Variants in XNDC1N observed in about 807,000 individuals in gnomAD.
XNDC1N encodes XRCC1 N-terminal domain containing 1, N-terminal like.
At chr11:71,912,027 C>A in the XNDC1N span, among the ~76,000 whole-genome samples, 34 of 152,344 alleles carry the variant, frequency 2.2e-4, no homozygotes, top group South Asian at 8.3e-4. Flanking sequence ...CTGCTAGGAA[C>A]TGCAGTTGTA....
At chr11:71,916,656 C>T in the XNDC1N span, 1 of 184,044 alleles carries the variant, frequency 5.4e-6, no homozygotes, top group African/African-American at 2.3e-5. Flanking sequence ...CCACCACGTG[C>T]TCTACATGCT....
At chr11:71,892,839 T>A in the XNDC1N span, among the ~76,000 whole-genome samples, 2 of 152,094 alleles carry the variant, frequency 1.3e-5, no homozygotes, top group Non-Finnish European at 2.9e-5. Flanking sequence ...TAGATTCAAT[T>A]CATTTGGAAA....
the XNDC1N span, chr11:71,926,014 G>C: frequency 6.6e-6 from 1 of 152,206 alleles, no homozygotes; most frequent in African/African-American, 2.4e-5. Flanking sequence ...GCTCAGGCCT[G>C]TAATCCCAGC....
chr11:71,893,754 G>T, the XNDC1N span: 3 of 1,156,528 alleles, frequency 2.6e-6, no homozygotes, highest in Admixed American at 2.2e-5. Flanking sequence ...TCTCTCATGC[G>T]GACTGCCTGA....
At chr11:71,884,995 C>G in the XNDC1N span, among the ~76,000 whole-genome samples, 1 of 152,098 alleles carries the variant, frequency 6.6e-6, no homozygotes, top group Non-Finnish European at 1.5e-5. Context: ...TCTTGCCCCC[C>G]TGGTTTTTAG....
At chr11:71,882,268 T>TA in the XNDC1N span, among the ~76,000 whole-genome samples, 138 of 152,166 alleles carry the variant, frequency 9.1e-4, no homozygotes, top group Non-Finnish European at 1.5e-3. Context: ...AATTATCTTT[T>TA]TTTTTTAGAC....
At chr11:71,887,591 G>C in the XNDC1N span, among the ~76,000 whole-genome samples, 8 of 151,796 alleles carry the variant, frequency 5.3e-5, no homozygotes, top group East Asian at 1.6e-3. Flanking sequence ...GGCCCTGCCA[G>C]TGAGGCAAAA....
chr11:71,913,665 T>TAAAAAAAAAAAAAAAAA, the XNDC1N span, among the ~76,000 whole-genome samples: 4 of 105,344 alleles, frequency 3.8e-5, no homozygotes, highest in East Asian at 2.7e-4. Flanking sequence ...TCTCAAAAGA[T>TAAAAAAAAAAAAAAAAA]AAAAAAAAAA....
chr11:71,885,551 G>C, the XNDC1N span, among the ~76,000 whole-genome samples: 1 of 152,020 alleles, frequency 6.6e-6, no homozygotes, highest in East Asian at 1.9e-4. Flanking sequence ...ATTATATTCG[G>C]ATCAATATCA....
At chr11:71,908,142 G>T in the XNDC1N span, among the ~76,000 whole-genome samples, 2 of 149,040 alleles carry the variant, frequency 1.3e-5, no homozygotes, top group Non-Finnish European at 3.0e-5. Context: ...CGTAATATTA[G>T]TATGAATTAT....
At chr11:71,877,890 G>A in the XNDC1N span, among the ~76,000 whole-genome samples, 1 of 152,102 alleles carries the variant, frequency 6.6e-6, no homozygotes, top group Non-Finnish European at 1.5e-5. Context: ...TATAACTGAT[G>A]TGAAAACAAT....
the XNDC1N span, among the ~76,000 whole-genome samples, chr11:71,870,461 A>G: frequency 6.6e-6 from 1 of 152,190 alleles, no homozygotes; most frequent in Non-Finnish European, 1.5e-5. Context: ...GACATTGGAC[A>G]TCTTAAGTTC....
At chr11:71,900,143 A>T in the XNDC1N span, among the ~76,000 whole-genome samples, 98 of 152,364 alleles carry the variant, frequency 6.4e-4, no homozygotes, top group African/African-American at 2.2e-3. Flanking sequence ...CCTTCTCCTT[A>T]TTATCACCCT....
the XNDC1N span, among the ~76,000 whole-genome samples, chr11:71,915,078 C>G: frequency 1.1e-4 from 17 of 152,170 alleles, no homozygotes; most frequent in African/African-American, 4.1e-4. Flanking sequence ...CCACAGCCAG[C>G]CCAACCTTCA....
At chr11:71,926,102 T>C in the XNDC1N span, 2 of 147,642 alleles carry the variant, frequency 1.4e-5, no homozygotes, top group Admixed American at 1.4e-4. Context: ...CGAAATCCCA[T>C]CTCTGAAAAA....
At chr11:71,912,616 C>T in the XNDC1N span, among the ~76,000 whole-genome samples, 7 of 152,008 alleles carry the variant, frequency 4.6e-5, no homozygotes, top group African/African-American at 7.3e-5. Context: ...ACAACCCCTG[C>T]GATATTTGGA....
At chr11:71,903,630 G>C in the XNDC1N span, 1 of 508,610 alleles carries the variant, frequency 2.0e-6, no homozygotes, top group South Asian at 2.1e-5. Context: ...TCCTAGATTT[G>C]TTGTCCTTGT....
At chr11:71,898,409 A>C in the XNDC1N span, among the ~76,000 whole-genome samples, 1 of 151,964 alleles carries the variant, frequency 6.6e-6, no homozygotes, top group African/African-American at 2.4e-5. Context: ...GAGTTCGAGA[A>C]CAGCCTGGCC....
At chr11:71,901,771 C>G in the XNDC1N span, among the ~76,000 whole-genome samples, 5 of 152,190 alleles carry the variant, frequency 3.3e-5, no homozygotes, top group South Asian at 1.0e-3. Context: ...ACTCACCACT[C>G]TCATCTGACT....
Sources: gnomAD v4.1 joint callset for allele counts (sites outside exome capture counted in the v4.1 genomes callset) on GRCh38, gnomAD v4.1.1 for gene constraint, MANE v1.5 for transcripts, NCBI Gene and HGNC (gene_info 2026-07-23, HGNC 2026-07-21) for gene names.